Variants in RRP1B observed in about 807,000 individuals in gnomAD.
The protein encoded by RRP1B is ribosomal RNA processing 1B.
In RRP1B, 56 loss-of-function variants were observed where a neutral mutation model predicts 80.2. That is an observed-to-expected ratio of 0.70 (90% CI 0.56 to 0.87). The LOEUF is 0.87. RRP1B is among the 40% of genes least tolerant of loss of function. The pLI, the probability that RRP1B is intolerant of heterozygous loss-of-function variation, is 0.00. For synonymous variants in RRP1B, 351 were observed against 357.6 expected (o/e 0.98, Z 0.21); for missense variants, 807 against 939.8 (o/e 0.86, Z 1.85).
chr21:43,659,879 G>A lies in RRP1B; in HGVS notation c.130+85G>A, dbSNP rs1217186071. On this transcript the variant is annotated intron_variant, in intron 1 of 15. Coordinates refer to ENST00000340648, the MANE Select transcript of RRP1B (RefSeq NM_015056.3). This position sits in a 1 kb window ranked among gnomAD's most constrained non-coding sequence, Gnocchi z 4.2. ...TAGGGCCAGGGCCCCGGCACGGAATGCGGCTTCCACGTGTTGTCGTGACAC... is the reference window on the plus strand; with the variant it reads ...TAGGGCCAGGGCCCCGGCACGGAATACGGCTTCCACGTGTTGTCGTGACAC... 1.5e-6 allele frequency: 2 copies of A among 1,331,092 alleles called. No homozygotes were observed. Among genetic ancestry groups the A allele is most frequent in the African/African-American group, 3.1e-5 (2 of 64,374 alleles). 82.5% of individuals were successfully genotyped at this position (1,331,092 alleles called of 1,614,324 possible).
At position 43,668,505 on chromosome 21, in the gene RRP1B, C is replaced by T. The variant is rs544659471; in HGVS notation, c.131-1379C>T. On this transcript the variant is annotated intron_variant, in intron 1 of 15. Coordinates refer to ENST00000340648, the MANE Select transcript of RRP1B (RefSeq NM_015056.3). ...GCCTCAGCCTCTGGAGTAGCTGGGA[C>T]TATAGGCGCCCGCCACCATACCCGG... Among the ~76,000 whole-genome samples the T allele has an allele frequency of 1.4e-3, 220 of 151,826 alleles. 1 individual carries two copies. Among genetic ancestry groups the T allele is most frequent in the African/African-American group, 4.9e-3 (204 of 41,456 alleles).
At chr21:43,681,302 A>T (rs554707172) in intron 8 of RRP1B, among the ~76,000 whole-genome samples, 8 of 143,872 alleles carry the variant, frequency 5.6e-5, no homozygotes, top group Non-Finnish European at 3.0e-5. Context: ...ATAGATAGAT[A>T]GAATCAAGAA....
At chr21:43,672,245 G>A (rs1294131798) in intron 2 of RRP1B, 63 bp from the exon 3 acceptor site, 1 of 1,454,400 alleles carries the variant, frequency 6.9e-7, no homozygotes, top group African/African-American at 1.4e-5. Flanking sequence ...GCAGGCCGCG[G>A]CACAGGCATC....
chr21:43,674,970 C>T lies in RRP1B; in HGVS notation c.420-64C>T. The T allele has an allele frequency of 5.0e-6, 8 of 1,589,576 alleles. No individual in the cohort carries two copies. The Admixed American group carries it at 7.1e-5, about 14-fold the overall frequency. ...GGTTCTAGACGGAGTATTTTTGTTT[C>T]TCTTTGGGAAGTGGGACGTGTTGGC... On this transcript the variant is annotated intron_variant, in intron 5 of 15. Transcript: ENST00000340648.
chr21:43,690,198 G>T, intron 13 of RRP1B, 90 bp from the exon 14 acceptor site: 1 of 1,477,096 alleles, frequency 6.8e-7, no homozygotes, highest in South Asian at 1.3e-5. Context: ...GATCTGCCTG[G>T]GGCTCTGCCT....
In RRP1B at chr21:43,693,534, T is replaced by A; in HGVS notation, c.*151T>A. 1.4e-6 allele frequency: 1 copy of A among 694,984 alleles called. No homozygotes were observed. The highest frequency in any genetic ancestry group is 1.9e-5 in the African/African-American group (1 of 53,990). The allele number at this position is 694,984 out of a possible 1,614,324, so 43.1% of individuals were successfully genotyped here. A position where few individuals can be genotyped will look rare whatever the true frequency, so the allele number is the denominator to read the frequency against. On this transcript the variant is annotated 3_prime_UTR_variant, in exon 16 of 16. Coordinates refer to ENST00000340648, the MANE Select transcript of RRP1B (RefSeq NM_015056.3). The surrounding 1 kb of genome is among the most constrained non-coding windows in gnomAD (Gnocchi z 4.1). ...AGAGTGCCCGCAGGCTGCTGCGTCC[T>A]GGCCCCTCTGTAGTGGCTGCGGGCG...
rs1191048725 is a variant in RRP1B, at chr21:43,690,688, G to A, written c.2019+248G>A. ...ACACATTCTGCCTCCCAGGGCTTCC[G>A]GCTCAGGGTTTGCAGAAACCAGTTT... is the stretch of plus-strand genomic sequence containing the variant. On this transcript the variant is annotated intron_variant, in intron 14 of 15. Coordinates refer to ENST00000340648, the MANE Select transcript of RRP1B (RefSeq NM_015056.3). 3.3e-5 allele frequency among the ~76,000 whole-genome samples: 5 copies of A among 152,168 alleles called. No homozygotes were observed. The South Asian group carries it at 6.2e-4, about 19-fold the overall frequency.
intron 13 of RRP1B, among the ~76,000 whole-genome samples, chr21:43,688,668 C>G (rs2083074339): frequency 6.6e-6 from 1 of 152,190 alleles, no homozygotes; most frequent in Admixed American, 6.5e-5. Context: ...TTTCTATATT[C>G]TTTTCTTTTC....
rs1320244891 is a variant in RRP1B, at chr21:43,688,204, G to C, written c.1830G>C (p.Gly610=). 8 of 1,572,638 alleles carry C rather than the reference G, an allele frequency of 5.1e-6. No individual in the cohort carries two copies. The East Asian group carries it at 1.9e-4, about 36-fold the overall frequency. The change falls in exon 13 of 16, where the codon GGG becomes GGC. Residue 610 remains glycine (G), a synonymous_variant. Coordinates refer to ENST00000340648, the MANE Select transcript of RRP1B (RefSeq NM_015056.3). ...RVMSNLVEHN[G]VLESEAGQPQ... Reference sequence around the variant, plus strand: ...TGTCAAACTTGGTGGAGCACAACGGGGTGCTGGAGTCCGAAGCTGGGCAAC... The same window carrying C: ...TGTCAAACTTGGTGGAGCACAACGGCGTGCTGGAGTCCGAAGCTGGGCAAC...
chr21:43,660,980 A>T (rs987590836), intron 1 of RRP1B, among the ~76,000 whole-genome samples: 2 of 152,252 alleles, frequency 1.3e-5, no homozygotes, highest in Non-Finnish European at 2.9e-5. Context: ...TTATTTAGTT[A>T]CTGATGGTAC....
At chr21:43,660,776 G>C (rs1319721152) in intron 1 of RRP1B, among the ~76,000 whole-genome samples, 4 of 152,214 alleles carry the variant, frequency 2.6e-5, no homozygotes, top group East Asian at 3.9e-4. Flanking sequence ...GTTGGGGTTG[G>C]GGGGGCGAGT....
intron 8 of RRP1B, among the ~76,000 whole-genome samples, chr21:43,679,760 C>T (rs557491222): frequency 3.9e-5 from 6 of 152,274 alleles, no homozygotes; most frequent in South Asian, 2.1e-4. Flanking sequence ...TCTACCCATC[C>T]GTGAGCATGG....
intron 8 of RRP1B, among the ~76,000 whole-genome samples, chr21:43,680,971 G>C (rs1455269385): frequency 6.6e-6 from 1 of 152,202 alleles, no homozygotes; most frequent in African/African-American, 2.4e-5. Flanking sequence ...CGGTTGCAGT[G>C]GCTCATGCCT....
chr21:43,674,775 T>A, intron 5 of RRP1B, 78 bp downstream of exon 5: 3 of 1,298,436 alleles, frequency 2.3e-6, no homozygotes, highest in Non-Finnish European at 3.3e-6. Context: ...TCTGAACTTG[T>A]AGAGTACCAA....
chr21:43,693,345 ACAC>A lies in RRP1B; in HGVS notation c.2242_2244del (p.Pro748del). On this transcript the variant is annotated inframe_deletion, in exon 16 of 16. Coordinates refer to ENST00000340648, the MANE Select transcript of RRP1B (RefSeq NM_015056.3). The surrounding 1 kb of genome is among the most constrained non-coding windows in gnomAD (Gnocchi z 4.1). ...GGTGGCCAAGAAGCCCCTGACCACC[ACAC>A]CAAGGAGAAGGCCCAGGGCTATGGA... The A allele has an allele frequency of 6.2e-7, 1 of 1,605,954 alleles. No individual in the cohort carries two copies.
chr21:43,681,777 C>A (rs1025218649), intron 8 of RRP1B, among the ~76,000 whole-genome samples: 131 of 152,202 alleles, frequency 8.6e-4, no homozygotes, highest in African/African-American at 3.0e-3. Flanking sequence ...CATAACAAGA[C>A]CTTGACTTTA....
rs1406364182 is a variant in RRP1B at position 43,659,785 on chromosome 21, A to G, written c.121A>G (p.Arg41Gly). The G allele has an allele frequency of 6.6e-7, 1 of 1,507,138 alleles. No individual in the cohort carries two copies. The highest frequency in any genetic ancestry group is 8.9e-7 in the Non-Finnish European group (1 of 1,123,326). 93.4% of individuals were successfully genotyped at this position (1,507,138 alleles called of 1,614,324 possible). A position where few individuals can be genotyped will look rare whatever the true frequency, so the allele number is the denominator to read the frequency against. Residue 41 changes from arginine (R) to glycine (G), a missense_variant, in exon 1 of 16, where the codon AGG (arginine) becomes GGG (glycine). Physicochemically the swap from Arg to Gly is moderately radical, Grantham distance 125. Coordinates refer to ENST00000340648, the MANE Select transcript of RRP1B (RefSeq NM_015056.3). This position sits in a 1 kb window ranked among gnomAD's most constrained non-coding sequence, Gnocchi z 4.2. ...CCAGTACATCAGCGTGAAGACGCAG[A>G]GGGAGACAGGTGGGCGCACGGCCGC... The part of the protein sequence containing the change: ...LRQYISVKTQ[R>G]ETGGFSQEEL...
chr21:43,687,432 G>T, intron 12 of RRP1B, 84 bp from the exon 13 acceptor site: 1 of 1,385,980 alleles, frequency 7.2e-7, no homozygotes, highest in East Asian at 2.4e-5. Context: ...AATTGCGTCC[G>T]CCAGTCATAC....
chr21:43,678,861 T>C (rs2083032342), intron 8 of RRP1B, among the ~76,000 whole-genome samples: 1 of 152,224 alleles, frequency 6.6e-6, no homozygotes, highest in African/African-American at 2.4e-5. Context: ...TGGAAGAGTT[T>C]TTCTAATGCT....
Sources: allele counts gnomAD v4.1 joint callset (sites outside exome capture counted in the v4.1 genomes callset), GRCh38; gene constraint gnomAD v4.1.1; non-coding constraint Gnocchi (gnomAD v3.1); transcripts MANE v1.5; gene names NCBI Gene and HGNC (gene_info 2026-07-23, HGNC 2026-07-21).